The following MAZ variants were observed in gnomAD, a reference collection of about 807,000 sequenced individuals.
The protein encoded by MAZ is MYC associated zinc finger protein.
In MAZ, 4 loss-of-function variants were observed where a neutral mutation model predicts 32.7. The observed-to-expected ratio is 0.12, with a 90% CI of 0.06 to 0.28. The LOEUF is 0.28. Ranked by LOEUF, MAZ falls within the 10% of genes least tolerant of loss-of-function variation. The probability of loss-of-function intolerance (pLI) is 1.00; values close to 1 mark genes in which losing one functional copy is unlikely to be tolerated. For missense variants in MAZ, 763 were observed against 667.2 expected (o/e 1.14, Z -1.58); for synonymous variants, 510 against 297.6 (o/e 1.71, Z -7.35).
Position 29,810,111 on chromosome 16 carries a change from G to A in MAZ, c.1314G>A (p.Ala438=). 5.2e-6 allele frequency: 8 copies of A among 1,539,496 alleles called. No individual in the cohort carries two copies. The highest frequency in any genetic ancestry group is 7.0e-6 in the Non-Finnish European group (8 of 1,137,572). The part of the protein sequence containing the change: ...TGEVCPMAAA[A]AAAAAAAAAA... Reference sequence around the variant, plus strand: ...AGGTTTGTCCAATGGCGGCGGCAGCGGCAGCGGCGGCAGCGGCAGCAGCGG... The same window carrying A: ...AGGTTTGTCCAATGGCGGCGGCAGCAGCAGCGGCGGCAGCGGCAGCAGCGG... Residue 438 remains alanine, a synonymous_variant, in exon 5 of 5, where the codon GCG becomes GCA. Coordinates refer to ENST00000322945, the MANE Select transcript of MAZ (RefSeq NM_002383.4).
rs765803100 is a variant in MAZ, at chr16:29,806,755, C to T, written c.54C>T (p.Gly18=). 4 of 1,429,778 alleles carry T rather than the reference C, an allele frequency of 2.8e-6. No individual in the cohort carries two copies. Among genetic ancestry groups the T allele is most frequent in the South Asian group, 2.7e-5 (2 of 74,820 alleles). The allele number at this position is 1,429,778 out of a possible 1,614,324, so 88.6% of individuals were successfully genotyped here. ...TLLAPPFPVL[G]LDSRGVGGLM... ...TGGCCCCCCCCTTCCCCGTGCTGGGCCTGGACTCCCGGGGGGTGGGCGGCC... is the reference window on the plus strand; with the variant it reads ...TGGCCCCCCCCTTCCCCGTGCTGGGTCTGGACTCCCGGGGGGTGGGCGGCC... Residue 18 remains glycine, a synonymous_variant, in exon 1 of 5, where the codon GGC becomes GGT. Coordinates refer to ENST00000322945, the MANE Select transcript of MAZ (RefSeq NM_002383.4).
intron 4 of MAZ, 41 bp downstream of exon 4, chr16:29,808,782 T>G: frequency 6.2e-7 from 1 of 1,600,648 alleles, no homozygotes; most frequent in Non-Finnish European, 8.5e-7. Flanking sequence ...GGGCAGAGGG[T>G]GGGCGCCTGG....
At position 29,807,748 on chromosome 16, in the gene MAZ, C is replaced by T. The variant is rs373327268; in HGVS notation, c.963C>T (p.Arg321=). The T allele has an allele frequency of 5.6e-6, 9 of 1,612,660 alleles. No individual in the cohort carries two copies. Among genetic ancestry groups the T allele is most frequent in the Admixed American group, 3.3e-5 (2 of 60,014 alleles). The change falls in exon 2 of 5, where the codon CGC becomes CGT. Residue 321 remains arginine (R), a synonymous_variant. Coordinates refer to ENST00000322945, the MANE Select transcript of MAZ (RefSeq NM_002383.4). ...AGCAGCGCTTCAAGCGCAAGGACCG[C>T]ATGAGCTACCACGTGCGCTCACATG... ...VCQQRFKRKD[R]MSYHVRSHDG...
intron 1 of MAZ, 38 bp from the exon 2 acceptor site, chr16:29,806,939 GC>G: frequency 8.6e-7 from 1 of 1,165,614 alleles, no homozygotes; most frequent in Non-Finnish European, 1.1e-6. Context: ...GGGGACGCCC[GC>G]CCGCACCCGC....
Position 29,806,677 on chromosome 16 carries a change from C to T in MAZ, c.-25C>T, listed in dbSNP as rs111993640. 1,079,182 of 1,098,180 alleles carry T rather than the reference C, an allele frequency of 0.98. 532,498 individuals are homozygous for T. Among genetic ancestry groups the T allele is most frequent in the Non-Finnish European group, 1 (896,723 of 897,184 alleles). The allele number at this position is 1,098,180 out of a possible 1,614,324, so 68.0% of individuals were successfully genotyped here. On this transcript the variant is annotated 5_prime_UTR_variant, in exon 1 of 5. Transcript: ENST00000322945. Reference sequence around the variant, plus strand: ...CGCGCCCCCGGCCCCCGCTGAGCCCCGGGGGCCCCGCTGCGGCCGAGGCCA... The same window carrying T: ...CGCGCCCCCGGCCCCCGCTGAGCCCTGGGGGCCCCGCTGCGGCCGAGGCCA...
In MAZ at chr16:29,808,266, C is replaced by T. The variant is rs199806172; in HGVS notation, c.1080C>T (p.His360=). 1.9e-6 allele frequency: 3 copies of T among 1,614,126 alleles called. No individual in the cohort carries two copies. The highest frequency in any genetic ancestry group is 1.3e-5 in the African/African-American group (1 of 75,056). The part of the protein sequence containing the change: ...DHLNSHVRQV[H]STERPFKCEK... Reference sequence around the variant, plus strand: ...TCAACAGTCACGTCAGACAAGTGCACTCAACAGAACGGCCCTTCAAATGTG... The same window carrying T: ...TCAACAGTCACGTCAGACAAGTGCATTCAACAGAACGGCCCTTCAAATGTG... Residue 360 remains histidine (H), a synonymous_variant, in exon 3 of 5, where the codon CAC becomes CAT. Coordinates refer to ENST00000322945, the MANE Select transcript of MAZ (RefSeq NM_002383.4).
chr16:29,808,380 TC>T, intron 3 of MAZ, 87 bp downstream of exon 3: 1 of 1,362,328 alleles, frequency 7.3e-7, no homozygotes, highest in Non-Finnish European at 1.0e-6. Flanking sequence ...ACCCCCTTTT[TC>T]TCTCTCTTCT....
chr16:29,808,142 C>T, intron 2 of MAZ, 88 bp from the exon 3 acceptor site: 4 of 1,221,352 alleles, frequency 3.3e-6, no homozygotes, highest in African/African-American at 1.5e-5. Context: ...GGAGGAGGCG[C>T]AGGGATCCTC....
rs1189828169 is a variant in MAZ, at chr16:29,810,190, G to T, written c.1393G>T (p.Val465Leu). 12 of 1,605,656 alleles carry T rather than the reference G, an allele frequency of 7.5e-6. No individual in the cohort carries two copies. The South Asian group carries it at 7.7e-5, about 10-fold the overall frequency. The stretch of plus-strand genomic sequence containing the variant: ...GGGCTCCCTCTCGGGGGCGGAGGGG[G>T]TGCCTGTGAGCTCTCAGCCACTTCC... ...AVGSLSGAEG[V>L]PVSSQPLPSQ... Residue 465 changes from valine to leucine, a missense_variant, in exon 5 of 5, where the codon GTG (valine) becomes TTG (leucine). Coordinates refer to ENST00000322945, the MANE Select transcript of MAZ (RefSeq NM_002383.4).
intron 2 of MAZ, 122 bp downstream of exon 2, chr16:29,807,950 C>T (rs766738902): frequency 2.7e-6 from 4 of 1,477,240 alleles, no homozygotes; most frequent in African/African-American, 2.8e-5. Flanking sequence ...GAGCCACTCC[C>T]AGGGCGGAGG....
Position 29,809,700 on chromosome 16 carries a change from C to T in MAZ, c.1280-377C>T, listed in dbSNP as rs1385266717. On this transcript the variant is annotated intron_variant, in intron 4 of 4. Transcript: ENST00000322945. ...AGACCCATCTGGGGGGGGCCGCCCC[C>T]CCTGTCCCGGGAGACGCCCCCCAGC... 3.3e-6 allele frequency: 5 copies of T among 1,506,800 alleles called. No homozygotes were observed. The East Asian group carries it at 9.5e-5, about 29-fold the overall frequency. 93.3% of individuals were successfully genotyped at this position (1,506,800 alleles called of 1,614,324 possible).
intron 3 of MAZ, 138 bp downstream of exon 3, chr16:29,808,431 G>T: frequency 1.0e-6 from 1 of 996,166 alleles, no homozygotes; most frequent in Non-Finnish European, 1.6e-6. Flanking sequence ...CTTCTTCAAG[G>T]CCTCATCATG....
At position 29,807,561 on chromosome 16, in the gene MAZ, C is replaced by T. The variant is rs748635686; in HGVS notation, c.776C>T (p.Ala259Val). ...GCGGGTGCCGGCGGCGGCGCTGCCGCAGTGGCCGCCGGTGGCGTGGTGACC... is the reference window on the plus strand; with the variant it reads ...GCGGGTGCCGGCGGCGGCGCTGCCGTAGTGGCCGCCGGTGGCGTGGTGACC... ...GEAGAGGGAA[A>V]VAAGGVVTTT... Residue 259 changes from alanine (A) to valine (V), a missense_variant, in exon 2 of 5, where the codon GCA becomes GTA. By Grantham distance (64) the Ala-to-Val change is moderately conservative. Coordinates refer to ENST00000322945, the MANE Select transcript of MAZ (RefSeq NM_002383.4). 1.1e-5 allele frequency: 18 copies of T among 1,604,556 alleles called. No individual in the cohort carries two copies. In the South Asian group the frequency reaches 1.9e-4, roughly 17 times the overall value.
intron 4 of MAZ, chr16:29,808,948 G>C: frequency 1.7e-6 from 1 of 587,778 alleles, no homozygotes; most frequent in Non-Finnish European, 3.0e-6. Flanking sequence ...ATCTGCCAGA[G>C]AGGTTGAACC....
At position 29,806,662 on chromosome 16, in the gene MAZ, G is replaced by A; in HGVS notation, c.-40G>A. Reference sequence around the variant, plus strand: ...GGGCCCCGCGCGGCCCGCGCCCCCGGCCCCCGCTGAGCCCCGGGGGCCCCG... The same window carrying A: ...GGGCCCCGCGCGGCCCGCGCCCCCGACCCCCGCTGAGCCCCGGGGGCCCCG... On this transcript the variant is annotated 5_prime_UTR_variant, in exon 1 of 5. Transcript: ENST00000322945. 3.0e-6 allele frequency: 3 copies of A among 1,015,176 alleles called. No individual in the cohort carries two copies. The highest frequency in any genetic ancestry group is 2.4e-6 in the Non-Finnish European group (2 of 846,910). 62.9% of individuals were successfully genotyped at this position (1,015,176 alleles called of 1,614,324 possible). A position where few individuals can be genotyped will look rare whatever the true frequency, so the allele number is the denominator to read the frequency against.
In MAZ at chr16:29,807,340, G is replaced by T. The variant is rs751964723; in HGVS notation, c.555G>T (p.Lys185Asn). 6.2e-7 allele frequency: 1 copy of T among 1,611,456 alleles called. No homozygotes were observed. Among genetic ancestry groups the T allele is most frequent in the Non-Finnish European group, 8.5e-7 (1 of 1,179,352 alleles). Residue 185 changes from lysine to asparagine, a missense_variant, in exon 2 of 5, where the codon AAG becomes AAT. Physicochemically the swap from Lys to Asn is moderately conservative, Grantham distance 94 (BLOSUM62 0). Coordinates refer to ENST00000322945, the MANE Select transcript of MAZ (RefSeq NM_002383.4). ...CGTCTGCCTTGGAGAAGAAGACAAA[G>T]AGCAAGGGGCCCTACATCTGCGCTC... ...PVASALEKKT[K>N]SKGPYICALC...
chr16:29,806,139 T>C, upstream of MAZ: 4 of 877,758 alleles, frequency 4.6e-6, no homozygotes, highest in Non-Finnish European at 5.9e-6. Flanking sequence ...CCTCCCTCCC[T>C]CCGCCATGGA....
chr16:29,808,377 T>C, intron 3 of MAZ, 84 bp downstream of exon 3: 3 of 1,381,150 alleles, frequency 2.2e-6, no homozygotes, highest in South Asian at 2.3e-5. Context: ...CAGACCCCCT[T>C]TTTCTCTCTC....
intron 1 of MAZ, 31 bp downstream of exon 1, chr16:29,806,924 TG>T (rs753325046): frequency 1.2e-4 from 152 of 1,242,920 alleles, no homozygotes; most frequent in South Asian, 3.2e-4. Context: ...CGGCCCGGGC[TG>T]GGGGGGGACG....
Sources: gnomAD v4.1 joint callset for allele counts on GRCh38, gnomAD v4.1.1 for gene constraint, MANE v1.5 for transcripts, NCBI Gene and HGNC (gene_info 2026-07-23, HGNC 2026-07-21) for gene names.